The following SMC2 variants were observed in gnomAD, a reference collection of about 807,000 sequenced individuals.
SMC2 encodes structural maintenance of chromosomes 2, also known as structural maintenance of chromosomes protein 2.
Under a neutral mutation model 142.6 loss-of-function variants are expected in SMC2, and 41 were observed. The observed-to-expected ratio is 0.29, with a 90% CI of 0.22 to 0.37. The LOEUF is 0.37. Ranked by LOEUF, SMC2 falls within the 10% of genes least tolerant of loss-of-function variation. The probability of loss-of-function intolerance (pLI) is 1.00; values close to 1 mark genes in which losing one functional copy is unlikely to be tolerated. For missense variants in SMC2, 1,265 were observed against 1,373.7 expected (o/e 0.92, Z 1.25); for synonymous variants, 463 against 457.5 (o/e 1.01, Z -0.15).
Position 104,124,901 on chromosome 9 carries a change from T to C in SMC2, c.2258-11T>C. Reference sequence around the variant, plus strand: ...GTTAACTTAGCCACATTTGCTTACTTTGTGATGCAGAGGAAAGTGAGGAGA... The same window carrying C: ...GTTAACTTAGCCACATTTGCTTACTCTGTGATGCAGAGGAAAGTGAGGAGA... On this transcript the variant is annotated splice_polypyrimidine_tract_variant and intron_variant, in intron 17 of 24. Transcript: ENST00000374793. The C allele has an allele frequency of 6.4e-7, 1 of 1,571,668 alleles. No individual in the cohort carries two copies. The highest frequency in any genetic ancestry group is 8.6e-7 in the Non-Finnish European group (1 of 1,168,576).
At chr9:104,118,971 G>A (rs1303495785) in intron 15 of SMC2, among the ~76,000 whole-genome samples, 1 of 152,180 alleles carries the variant, frequency 6.6e-6, no homozygotes, top group African/African-American at 2.4e-5. Context: ...TTGCAGAAAT[G>A]AAGATACAGA....
chr9:104,101,351 T>C (rs1831098378), intron 7 of SMC2, among the ~76,000 whole-genome samples: 1 of 152,176 alleles, frequency 6.6e-6, no homozygotes, highest in South Asian at 2.1e-4. Flanking sequence ...ACTGGAAAAA[T>C]TGTAATCTTG....
At chr9:104,100,943 A>G (rs578198365) in intron 7 of SMC2, among the ~76,000 whole-genome samples, 6 of 152,272 alleles carry the variant, frequency 3.9e-5, no homozygotes, top group African/African-American at 1.2e-4. Context: ...TTTATGAGCT[A>G]CGTTTTCTTT....
chr9:104,129,620 C>T (rs770152216), intron 20 of SMC2, 25 bp from the exon 21 acceptor site: 2 of 1,529,848 alleles, frequency 1.3e-6, no homozygotes, highest in South Asian at 1.1e-5. Flanking sequence ...TCATAGATCT[C>T]CCATCTATTT....
Position 104,134,522 on chromosome 9 carries a change from T to C in SMC2, c.3216T>C (p.Val1072=), listed in dbSNP as rs1453267063. ...QTVLDGLEFK[V]ALGNTWKENL... is the part of the protein sequence containing the mutation. ...TTTTGGATGGTCTGGAGTTCAAGGTTGCCTTGGGAAATACCTGGAAAGAAA... is the reference window on the plus strand; with the variant it reads ...TTTTGGATGGTCTGGAGTTCAAGGTCGCCTTGGGAAATACCTGGAAAGAAA... The change falls in exon 23 of 25, where the codon GTT becomes GTC. Residue 1072 remains valine, a synonymous_variant. Coordinates refer to ENST00000374793, the MANE Select transcript of SMC2 (RefSeq NM_006444.3). The C allele has an allele frequency of 1.9e-6, 3 of 1,612,382 alleles. No homozygotes were observed. The highest frequency in any genetic ancestry group is 1.6e-4 in the Middle Eastern group (1 of 6,074).
chr9:104,090,059 A>G (rs78633445), upstream of SMC2, among the ~76,000 whole-genome samples: 14,301 of 152,242 alleles, frequency 0.094, 1,053 homozygotes, highest in Non-Finnish European at 0.14. Flanking sequence ...GCTCAGGAGG[A>G]GCAAAACAAA....
At chr9:104,116,568 G>A (rs1007675797) in intron 14 of SMC2, among the ~76,000 whole-genome samples, 4 of 150,198 alleles carry the variant, frequency 2.7e-5, no homozygotes, top group Non-Finnish European at 4.4e-5. Context: ...TATCAATCAG[G>A]TGATGGTGAA....
chr9:104,126,671 G>T lies in SMC2; in HGVS notation c.2482G>T (p.Glu828Ter), dbSNP rs1834328314. 1 of 1,609,952 alleles carries T rather than the reference G, an allele frequency of 6.2e-7. No individual in the cohort carries two copies. Among genetic ancestry groups the T allele is most frequent in the Non-Finnish European group, 8.5e-7 (1 of 1,178,842 alleles). Reference sequence around the variant, plus strand: ...TGAAGCTATCACTCTGGAACTGGAAGAGCTCAAGAGAGAGCATACATCTTA... The same window carrying T: ...TGAAGCTATCACTCTGGAACTGGAATAGCTCAAGAGAGAGCATACATCTTA... ...EVEAITLELE[E>*]LKREHTSYKQ... is the part of the protein sequence containing the mutation. The change falls in exon 19 of 25, where the codon GAG becomes TAG. Residue 828 changes from glutamate to a stop codon, truncating the protein, a stop_gained. Coordinates refer to ENST00000374793, the MANE Select transcript of SMC2 (RefSeq NM_006444.3). LOFTEE classifies it high-confidence loss of function.
rs1172616703 is a variant in SMC2 at position 104,129,791 on chromosome 9, A to C, written c.2937A>C (p.Leu979=). The change falls in exon 21 of 25, where the codon CTA becomes CTC. Residue 979 remains leucine (L), a synonymous_variant. Coordinates refer to ENST00000374793, the MANE Select transcript of SMC2 (RefSeq NM_006444.3). ...AGTTGCAAGAAATGAAGGAGAAACT[A>C]GGAAGAAATGTCAATATGAGAGCTA... The part of the protein sequence containing the change: ...LQKLQEMKEK[L]GRNVNMRAMN... 1 of 1,613,892 alleles carries C rather than the reference A, an allele frequency of 6.2e-7. No homozygotes were observed. Among genetic ancestry groups the C allele is most frequent in the Non-Finnish European group, 8.5e-7 (1 of 1,179,954 alleles).
intron 9 of SMC2, among the ~76,000 whole-genome samples, chr9:104,106,576 A>G (rs923279899): frequency 1.1e-4 from 17 of 151,990 alleles, no homozygotes; most frequent in African/African-American, 4.1e-4. Flanking sequence ...TATTTTTAGT[A>G]GAGATGGGGT....
Position 104,132,075 on chromosome 9 carries a change from G to C in SMC2, c.3058G>C (p.Glu1020Gln). 6.2e-7 allele frequency: 1 copy of C among 1,601,616 alleles called. No individual in the cohort carries two copies. The highest frequency in any genetic ancestry group is 8.5e-7 in the Non-Finnish European group (1 of 1,174,336). Reference sequence around the variant, plus strand: ...CAAATCCAAAATTCTTACAACTATAGAAGACCTTGACCAGAAGAAAAACCA... The same window carrying C: ...CAAATCCAAAATTCTTACAACTATACAAGACCTTGACCAGAAGAAAAACCA... ...NDKSKILTTI[E>Q]DLDQKKNQAL... The change falls in exon 22 of 25, where the codon GAA becomes CAA. Residue 1020 changes from glutamate to glutamine, a missense_variant. Glu to Gln is a conservative substitution (Grantham distance 29). Transcript: ENST00000374793.
chr9:104,104,796 G>A (rs77078102), intron 9 of SMC2, among the ~76,000 whole-genome samples: 1,972 of 152,250 alleles, frequency 0.013, 42 homozygotes, highest in African/African-American at 0.045. Flanking sequence ...CTTCTTAGAT[G>A]GATATAACAC....
At chr9:104,107,997 C>T (rs1832007113) in intron 9 of SMC2, among the ~76,000 whole-genome samples, 1 of 152,162 alleles carries the variant, frequency 6.6e-6, no homozygotes, top group African/African-American at 2.4e-5. Flanking sequence ...GAGGGGCATA[C>T]CTCCTCAGGT....
intron 24 of SMC2, among the ~76,000 whole-genome samples, chr9:104,138,448 C>T (rs1280785763): frequency 6.6e-6 from 1 of 152,100 alleles, no homozygotes; most frequent in Non-Finnish European, 1.5e-5. Flanking sequence ...TAATTGTTTT[C>T]TCTAGTTAAC....
chr9:104,120,273 T>G, intron 16 of SMC2, 111 bp downstream of exon 16: 1 of 1,064,608 alleles, frequency 9.4e-7, no homozygotes, highest in Non-Finnish European at 1.3e-6. Flanking sequence ...TATTTTTGGT[T>G]TTATTTAAAA....
intron 9 of SMC2, among the ~76,000 whole-genome samples, chr9:104,104,384 C>T (rs1394992090): frequency 2.0e-5 from 3 of 152,162 alleles, no homozygotes; most frequent in African/African-American, 7.2e-5. Flanking sequence ...TCCCAAGGCT[C>T]AGAAAAGCTG....
chr9:104,133,872 C>A (rs1003436527), intron 22 of SMC2, among the ~76,000 whole-genome samples: 1 of 152,152 alleles, frequency 6.6e-6, no homozygotes, highest in Non-Finnish European at 1.5e-5. Flanking sequence ...CCTTTGATTT[C>A]ATGCCCCTTT....
intron 24 of SMC2, 142 bp downstream of exon 24, chr9:104,138,307 T>C (rs376224481): frequency 9.8e-5 from 62 of 631,546 alleles, no homozygotes; most frequent in Middle Eastern, 6.4e-4. Flanking sequence ...AATAGACTTA[T>C]GTTTAAATAG....
rs751626872 is a variant in SMC2 at position 104,118,256 on chromosome 9, C to G, written c.1877C>G (p.Thr626Arg). Residue 626 changes from threonine (T) to arginine (R), a missense_variant, in exon 15 of 25, where the codon ACA becomes AGA. By Grantham distance (71) the Thr-to-Arg change is moderately conservative. Transcript: ENST00000374793. ...LQKAMEFVFG[T>R]TFVCDNMDNA... The stretch of plus-strand genomic sequence containing the variant: ...AAAGCAATGGAGTTTGTCTTTGGAA[C>G]AACATTTGTTTGTGACAATATGGAT... The G allele has an allele frequency of 6.2e-7, 1 of 1,613,542 alleles. No individual in the cohort carries two copies. The highest frequency in any genetic ancestry group is 1.1e-5 in the South Asian group (1 of 91,044).
Sources: allele counts gnomAD v4.1 joint callset (sites outside exome capture counted in the v4.1 genomes callset), GRCh38; gene constraint gnomAD v4.1.1; transcripts MANE v1.5; gene names NCBI Gene and HGNC (gene_info 2026-07-23, HGNC 2026-07-21).